Variants in SNX8 observed in about 807,000 individuals in gnomAD.
The protein encoded by SNX8 is sorting nexin-8.
SNX8 carries 25 observed loss-of-function variants against 51.6 expected under a neutral mutation model. The ratio of observed to expected loss-of-function variants is 0.48; its 90% CI spans 0.35 to 0.68. The LOEUF (loss-of-function observed/expected upper bound fraction) is 0.68. SNX8 is among the 30% of genes least tolerant of loss of function. The pLI is 0.00. For missense variants in SNX8, 695 were observed against 624.0 expected (o/e 1.11, Z -1.21); for synonymous variants, 324 against 277.0 (o/e 1.17, Z -1.68).
chr7:2,350,219 C>A (rs1779110508), intron 1 of SNX8, among the ~76,000 whole-genome samples: 1 of 152,170 alleles, frequency 6.6e-6, no homozygotes, highest in Admixed American at 6.6e-5. Flanking sequence ...CAAACTCCCC[C>A]AAGCCTGCGA....
chr7:2,339,079 T>C (rs1007806645), intron 1 of SNX8, among the ~76,000 whole-genome samples: 3 of 152,104 alleles, frequency 2.0e-5, no homozygotes, highest in Admixed American at 6.6e-5. Context: ...ACCTGTTTTT[T>C]AAAAATTATT....
intron 1 of SNX8, among the ~76,000 whole-genome samples, chr7:2,311,676 G>A (rs1361851647): frequency 6.6e-6 from 1 of 151,750 alleles, no homozygotes; most frequent in Non-Finnish European, 1.5e-5. Context: ...GGTGGCTCAC[G>A]CCTGTAATCC....
Position 2,257,100 on chromosome 7 carries a change from C to T in SNX8, c.1135-77G>A, listed in dbSNP as rs1795205137. The stretch of plus-strand genomic sequence containing the variant: ...ACCAAGGCCCGAACACCAGCGTGCT[C>T]CCTGAGCCAGGGCGGCCCCTTCTCC... On this transcript the variant is annotated intron_variant, in intron 9 of 10. Transcript: ENST00000222990. The T allele has an allele frequency of 5.4e-6, 8 of 1,469,146 alleles. No homozygotes were observed. In the Admixed American group the frequency reaches 1.8e-4, roughly 33 times the overall value. 91.0% of individuals were successfully genotyped at this position (1,469,146 alleles called of 1,614,324 possible).
At chr7:2,314,623 C>A (rs1448492567), upstream of SNX8, among the ~76,000 whole-genome samples, 2 of 152,124 alleles carry the variant, frequency 1.3e-5, no homozygotes, top group African/African-American at 4.8e-5. Flanking sequence ...CCCACATGCC[C>A]CTCCCCGTCC....
chr7:2,335,070 C>A (rs995400493), intron 1 of SNX8, among the ~76,000 whole-genome samples: 8 of 151,048 alleles, frequency 5.3e-5, no homozygotes, highest in Non-Finnish European at 1.2e-4. Context: ...GTTGTGTGCG[C>A]CTGTAATCCC....
At chr7:2,352,362 T>C (rs965712688) in intron 1 of SNX8, among the ~76,000 whole-genome samples, 2 of 152,130 alleles carry the variant, frequency 1.3e-5, no homozygotes, top group African/African-American at 4.8e-5. Flanking sequence ...TTTCAGTTAC[T>C]TATGGTCAAT....
chr7:2,282,411 G>A (rs1412319760), intron 1 of SNX8, among the ~76,000 whole-genome samples: 2 of 152,116 alleles, frequency 1.3e-5, no homozygotes, highest in Non-Finnish European at 2.9e-5. Context: ...CAAGTCAGCC[G>A]CCGGCCCACT....
chr7:2,257,061 C>T, intron 9 of SNX8, 38 bp from the exon 10 acceptor site: 1 of 1,561,968 alleles, frequency 6.4e-7, no homozygotes, highest in African/African-American at 1.3e-5. Context: ...CCCGGCCCAG[C>T]CGGCGACGGG....
chr7:2,283,715 T>C (rs1156992899), intron 1 of SNX8, among the ~76,000 whole-genome samples: 2 of 152,156 alleles, frequency 1.3e-5, no homozygotes, highest in Non-Finnish European at 2.9e-5. Context: ...CAGAATCACC[T>C]GGTGGGCTCC....
At chr7:2,319,231 G>A (rs1796798245), upstream of SNX8, among the ~76,000 whole-genome samples, 1 of 151,160 alleles carries the variant, frequency 6.6e-6, no homozygotes. Context: ...CCCAGCTACT[G>A]GGGAAGAAGC....
At chr7:2,302,877 T>A (rs1248615321) in intron 1 of SNX8, among the ~76,000 whole-genome samples, 1 of 147,286 alleles carries the variant, frequency 6.8e-6, no homozygotes, top group Non-Finnish European at 1.5e-5. Context: ...AACCGCCCCG[T>A]CTGAGAAGTG....
rs144461726 is a variant in SNX8 at position 2,277,449 on chromosome 7, G to A, written c.300+651C>T. On this transcript the variant is annotated intron_variant, in intron 2 of 10. Coordinates refer to ENST00000222990, the MANE Select transcript of SNX8 (RefSeq NM_013321.4). ...CGGGGGTTTCCCACTATTACAAAGCGAGGCTGGTGTGGATCCCGCTTTGTG... is the reference window on the plus strand; with the variant it reads ...CGGGGGTTTCCCACTATTACAAAGCAAGGCTGGTGTGGATCCCGCTTTGTG... Among the ~76,000 whole-genome samples, 429 of 152,276 alleles carry A rather than the reference G, an allele frequency of 2.8e-3. 4 individuals are homozygous for A. Among genetic ancestry groups the A allele is most frequent in the African/African-American group, 9.5e-3 (394 of 41,546 alleles).
In SNX8 at chr7:2,252,845, T is replaced by C; in HGVS notation, c.*2211A>G. The C allele has an allele frequency of 9.2e-6, 1 of 109,232 alleles. No individual in the cohort carries two copies. The highest frequency in any genetic ancestry group is 1.8e-5 in the Non-Finnish European group (1 of 55,978). 6.8% of individuals were successfully genotyped at this position (109,232 alleles called of 1,614,324 possible). ...CTATTCCCCATCACCCCTACTCTCC[T>C]GCTCTCCTCACCCCTGCTCTCCTGC... On this transcript the variant is annotated 3_prime_UTR_variant, in exon 11 of 11. Transcript: ENST00000222990.
At chr7:2,302,067 T>C (rs1161720316) in intron 1 of SNX8, among the ~76,000 whole-genome samples, 4 of 151,782 alleles carry the variant, frequency 2.6e-5, no homozygotes, top group Admixed American at 1.3e-4. Flanking sequence ...ACGGTGAAAC[T>C]TCATCTCTAT....
intron 1 of SNX8, among the ~76,000 whole-genome samples, chr7:2,311,911 T>C (rs2115209799): frequency 6.6e-6 from 1 of 150,568 alleles, no homozygotes; most frequent in Admixed American, 6.6e-5. Flanking sequence ...CACTCCAGCC[T>C]GGGCGACAGA....
chr7:2,311,410 A>G (rs1324790438), intron 1 of SNX8, among the ~76,000 whole-genome samples: 2 of 152,110 alleles, frequency 1.3e-5, no homozygotes, highest in Non-Finnish European at 2.9e-5. Context: ...AAAATTTGAG[A>G]CAGGATTTCG....
Position 2,263,422 on chromosome 7 carries a change from G to C in SNX8, c.783-60C>G, listed in dbSNP as rs537452927. On this transcript the variant is annotated intron_variant, in intron 6 of 10. Coordinates refer to ENST00000222990, the MANE Select transcript of SNX8 (RefSeq NM_013321.4). ...AAGGCCTGGAGCTCACCTGGCAGTC[G>C]AGTCTGGCATCCCCCCCGACAGATG... is the stretch of plus-strand genomic sequence containing the variant. 18 of 1,502,884 alleles carry C rather than the reference G, an allele frequency of 1.2e-5. No homozygotes were observed. The East Asian group carries it at 4.5e-4, about 37-fold the overall frequency. The allele number at this position is 1,502,884 out of a possible 1,614,324, so 93.1% of individuals were successfully genotyped here.
In SNX8 at chr7:2,352,867, T is replaced by C. The variant is rs7795937; in HGVS notation, c.-66+1355A>G. 6.6e-3 allele frequency among the ~76,000 whole-genome samples: 1,010 copies of C among 152,114 alleles called. 9 individuals are homozygous for C. Among genetic ancestry groups the C allele is most frequent in the African/African-American group, 0.023 (969 of 41,488 alleles). On this transcript the variant is annotated intron_variant, in intron 1 of 5. Coordinates refer to the SNX8 transcript ENST00000435336. ...AAAAAAAAAAATTGTCATCCCTTAT[T>C]GTACAGATGCGGAAACTGAGGTGGA... is the stretch of plus-strand genomic sequence containing the variant.
chr7:2,263,126 A>G (rs1256790191), intron 7 of SNX8, 104 bp downstream of exon 7: 6 of 1,404,110 alleles, frequency 4.3e-6, no homozygotes, highest in South Asian at 1.4e-5. Flanking sequence ...TCAAAACAAC[A>G]AAACAAAAAC....
Sources: gnomAD v4.1 joint callset for allele counts (sites outside exome capture counted in the v4.1 genomes callset) on GRCh38, gnomAD v4.1.1 for gene constraint, MANE v1.5 for transcripts, NCBI Gene and HGNC (gene_info 2026-07-23, HGNC 2026-07-21) for gene names.